SCHIP1: variants seen among roughly 807,000 people sequenced by gnomAD.
SCHIP1 encodes the protein schwannomin interacting protein 1.
In SCHIP1, 8 loss-of-function variants were observed where a neutral mutation model predicts 29.7. The observed-to-expected ratio is 0.27, with a 90% CI of 0.16 to 0.49. SCHIP1 has a LOEUF of 0.49. Among genes scored for constraint, SCHIP1 ranks in the 20% least tolerant of loss-of-function variants. SCHIP1 has a pLI of 0.99. For missense variants in SCHIP1, 193 were observed against 294.6 expected, an observed-to-expected ratio of 0.66 and a Z score of 2.52; for synonymous variants, 76 against 94.9, an observed-to-expected ratio of 0.80 and a Z score of 1.16.
chr3:159,682,782 A>G, the SCHIP1 span, among the ~76,000 whole-genome samples: 2 of 152,206 alleles, frequency 1.3e-5, no homozygotes, highest in Non-Finnish European at 2.9e-5. Context: ...AAATTTCACA[A>G]CTGACATTCA....
At chr3:159,504,919 T>G in the SCHIP1 span, among the ~76,000 whole-genome samples, 1 of 152,110 alleles carries the variant, frequency 6.6e-6, no homozygotes, top group Non-Finnish European at 1.5e-5. Flanking sequence ...GGGATGCCCA[T>G]GGCATAACAC....
chr3:159,544,601 A>G, the SCHIP1 span, among the ~76,000 whole-genome samples: 1 of 152,092 alleles, frequency 6.6e-6, no homozygotes, highest in African/African-American at 2.4e-5. Context: ...CTGAAGACTG[A>G]TGAAGTTAAG....
the SCHIP1 span, among the ~76,000 whole-genome samples, chr3:159,683,771 A>G: frequency 6.6e-6 from 1 of 152,136 alleles, no homozygotes; most frequent in Non-Finnish European, 1.5e-5. Context: ...TTTCCATTCA[A>G]CCAGAGCTCC....
chr3:159,789,802 T>C, the SCHIP1 span, among the ~76,000 whole-genome samples: 1 of 152,242 alleles, frequency 6.6e-6, no homozygotes. Context: ...CAGTAAACCA[T>C]GATTCCAAAC....
intron 1 of SCHIP1, among the ~76,000 whole-genome samples, chr3:159,843,715 A>C (rs1403773165): frequency 2.7e-5 from 4 of 147,402 alleles, no homozygotes; most frequent in East Asian, 2.1e-4. Flanking sequence ...CCCAGCTACT[A>C]GGGAGGCTGA....
chr3:159,770,738 A>C, the SCHIP1 span, among the ~76,000 whole-genome samples: 1 of 152,144 alleles, frequency 6.6e-6, no homozygotes, highest in Non-Finnish European at 1.5e-5. Context: ...CCATTGCTCT[A>C]TTCCATCTGC....
At chr3:159,855,105 T>A (rs1713194791) in intron 1 of SCHIP1, among the ~76,000 whole-genome samples, 1 of 152,242 alleles carries the variant, frequency 6.6e-6, no homozygotes, top group Non-Finnish European at 1.5e-5. Context: ...AACTTCTAGA[T>A]GTGTGGAGTG....
chr3:159,795,466 A>C, the SCHIP1 span, among the ~76,000 whole-genome samples: 1 of 152,218 alleles, frequency 6.6e-6, no homozygotes, highest in Non-Finnish European at 1.5e-5. Flanking sequence ...CTGTTGGCTC[A>C]ATTTCCAGAT....
chr3:159,292,929 T>C, the SCHIP1 span, among the ~76,000 whole-genome samples: 3 of 152,194 alleles, frequency 2.0e-5, no homozygotes, highest in South Asian at 4.1e-4. Flanking sequence ...ATTTTTCTCA[T>C]CCTGTTTATA....
At chr3:159,452,595 G>T in the SCHIP1 span, among the ~76,000 whole-genome samples, 3 of 152,084 alleles carry the variant, frequency 2.0e-5, no homozygotes, top group Non-Finnish European at 2.9e-5. Context: ...ATTGTAAATA[G>T]TGCTGCAATA....
At chr3:159,474,009 T>G in the SCHIP1 span, among the ~76,000 whole-genome samples, 3 of 152,092 alleles carry the variant, frequency 2.0e-5, no homozygotes, top group Non-Finnish European at 4.4e-5. Flanking sequence ...AAATTGTCTC[T>G]AAATAAAAAA....
At chr3:159,327,094 T>G in the SCHIP1 span, among the ~76,000 whole-genome samples, 1 of 152,192 alleles carries the variant, frequency 6.6e-6, no homozygotes, top group Non-Finnish European at 1.5e-5. Flanking sequence ...CATTTAAAAT[T>G]TCCCTAGTAA....
chr3:159,843,001 C>CTTCTTTTTTTTTTTTTTTTTTTTTT (rs1744394617), intron 1 of SCHIP1, among the ~76,000 whole-genome samples: 2 of 63,710 alleles, frequency 3.1e-5, no homozygotes, highest in African/African-American at 9.4e-5. Context: ...ATATTTCTTT[C>CTTCTTTTTTTTTTTTTTTTTTTTTT]TTTTTTTTTT....
intron 1 of SCHIP1, among the ~76,000 whole-genome samples, chr3:159,856,646 C>T (rs1411657977): frequency 1.3e-5 from 2 of 152,178 alleles, no homozygotes; most frequent in Non-Finnish European, 2.9e-5. Flanking sequence ...GACAGCAGGG[C>T]GGTGAGTGGG....
chr3:159,626,142 ATC>A, the SCHIP1 span, among the ~76,000 whole-genome samples: 351 of 111,254 alleles, frequency 3.2e-3, 37 homozygotes, highest in African/African-American at 0.021. Context: ...AGATAGATAT[ATC>A]TAGATATATA....
At chr3:159,597,474 T>C in the SCHIP1 span, among the ~76,000 whole-genome samples, 1 of 152,280 alleles carries the variant, frequency 6.6e-6, no homozygotes, top group South Asian at 2.1e-4. Context: ...TTTCCACTTT[T>C]TACCTACATG....
At chr3:159,694,010 T>C in the SCHIP1 span, among the ~76,000 whole-genome samples, 3 of 152,154 alleles carry the variant, frequency 2.0e-5, no homozygotes, top group African/African-American at 4.8e-5. Context: ...TTTAGGCCCA[T>C]GGTGAGCACC....
At chr3:159,409,619 T>C in the SCHIP1 span, among the ~76,000 whole-genome samples, 576 of 152,024 alleles carry the variant, frequency 3.8e-3, 3 homozygotes, top group South Asian at 0.021. Flanking sequence ...AAAAGAATGA[T>C]GAAAGAAATG....
At chr3:159,814,719 C>T in the SCHIP1 span, among the ~76,000 whole-genome samples, 59 of 152,332 alleles carry the variant, frequency 3.9e-4, no homozygotes, top group African/African-American at 1.3e-3. Context: ...GCCAACTGTC[C>T]TCTTCAGCTG....
Sources: allele counts gnomAD v4.1 joint callset (sites outside exome capture counted in the v4.1 genomes callset), GRCh38; gene constraint gnomAD v4.1.1; transcripts MANE v1.5; gene names NCBI Gene and HGNC (gene_info 2026-07-23, HGNC 2026-07-21).